The following YLPM1 variants were observed in gnomAD, a reference collection of about 807,000 sequenced individuals.
The protein encoded by YLPM1 is YLP motif-containing protein 1.
Under a neutral mutation model 230.0 loss-of-function variants are expected in YLPM1, and 99 were observed. The ratio of observed to expected loss-of-function variants is 0.43; its 90% CI spans 0.37 to 0.51. The LOEUF is 0.51. Ranked by LOEUF, YLPM1 falls within the 20% of genes least tolerant of loss-of-function variation. The pLI, the probability that YLPM1 is intolerant of heterozygous loss-of-function variation, is 0.00. For missense variants in YLPM1, 2,592 were observed against 2,707.7 expected (o/e 0.96, Z 0.95); for synonymous variants, 984 against 942.5 (o/e 1.04, Z -0.81).
intron 17 of YLPM1, chr14:74,821,411 T>C: frequency 3.6e-6 from 1 of 275,578 alleles, no homozygotes. Context: ...GGAGTATACC[T>C]TTTAAGAAAA....
intron 19 of YLPM1, chr14:74,834,998 T>C (rs1349229079): frequency 1.2e-5 from 4 of 337,992 alleles, no homozygotes; most frequent in Non-Finnish European, 2.1e-5. Context: ...AATTATTAAA[T>C]AAAAAGGAAT....
chr14:74,816,852 A>G (rs1237032012), intron 13 of YLPM1, 79 bp from the exon 14 acceptor site: 1 of 1,463,848 alleles, frequency 6.8e-7, no homozygotes, highest in South Asian at 1.5e-5. Context: ...AGTCATCTCT[A>G]TCCAAATACT....
chr14:74,786,129 AG>A (rs1406397375), intron 4 of YLPM1, among the ~76,000 whole-genome samples: 16 of 152,050 alleles, frequency 1.1e-4, no homozygotes, highest in Non-Finnish European at 8.8e-5. Flanking sequence ...TGGGAGGCTG[AG>A]GGGGGAGCGG....
intron 1 of YLPM1, among the ~76,000 whole-genome samples, chr14:74,774,801 C>T (rs914335835): frequency 2.5e-4 from 37 of 147,892 alleles, no homozygotes; most frequent in African/African-American, 8.1e-4. Context: ...ACCTTGGCCT[C>T]CCAAAGTGCT....
chr14:74,827,959 AT>A (rs1441757354), intron 18 of YLPM1: 12 of 983,090 alleles, frequency 1.2e-5, no homozygotes, highest in Non-Finnish European at 1.4e-5. Context: ...GATGATTAAA[AT>A]TTTTGTGAGT....
chr14:74,781,034 CA>C (rs1432649769), intron 3 of YLPM1, among the ~76,000 whole-genome samples: 19 of 152,122 alleles, frequency 1.2e-4, no homozygotes, highest in African/African-American at 4.6e-4. Flanking sequence ...AATAACAGAT[CA>C]TTTTTCAAGT....
chr14:74,824,428 C>A, intron 18 of YLPM1, 121 bp downstream of exon 18: 2 of 869,562 alleles, frequency 2.3e-6, no homozygotes, highest in Non-Finnish European at 1.8e-6. Flanking sequence ...TTCTGGCCTA[C>A]CTTATATCCT....
intron 4 of YLPM1, among the ~76,000 whole-genome samples, chr14:74,793,599 G>A (rs2091229228): frequency 6.6e-6 from 1 of 151,980 alleles, no homozygotes; most frequent in Non-Finnish European, 1.5e-5. Flanking sequence ...TTTATCTTTA[G>A]TTTTTCTTTC....
Position 74,782,129 on chromosome 14 carries a change from GA to G in YLPM1, c.2088del (p.Glu696AspfsTer3). On this transcript the variant is annotated frameshift_variant, in exon 4 of 21. Transcript: ENST00000325680. LOFTEE classifies it high-confidence loss of function. ...TCCGTTGCAATCAGCTGGTCCATCA[GA>G]ACAAGTGAATTCAAAAGCTCCTTTG... is the stretch of plus-strand genomic sequence containing the variant. Reference protein sequence around the residue: ...HPPLQSAGPSEQVNSKAPLSK... With the variant: ...HPPLQSAGPSXQVNSKAPLSK... 6.2e-7 allele frequency: 1 copy of G among 1,613,676 alleles called. No individual in the cohort carries two copies. The highest frequency in any genetic ancestry group is 8.5e-7 in the Non-Finnish European group (1 of 1,179,822).
intron 19 of YLPM1, among the ~76,000 whole-genome samples, chr14:74,832,427 A>G (rs151131035): frequency 5.3e-4 from 81 of 152,170 alleles, no homozygotes; most frequent in African/African-American, 1.8e-3. Context: ...ACAAAATACA[A>G]TAGTTTCCAA....
intron 4 of YLPM1, among the ~76,000 whole-genome samples, chr14:74,787,259 G>A (rs534033722): frequency 2.6e-5 from 4 of 152,098 alleles, no homozygotes; most frequent in Admixed American, 2.6e-4. Flanking sequence ...TTCTTAATGA[G>A]CACTTGAATG....
At position 74,816,926 on chromosome 14, in the gene YLPM1, C is replaced by G. The variant is rs2091482861; in HGVS notation, c.5686-5C>G. On this transcript the variant is annotated splice_polypyrimidine_tract_variant and splice_region_variant and intron_variant, in intron 13 of 20. Coordinates refer to ENST00000325680, the MANE Select transcript of YLPM1 (RefSeq NM_019589.3). ...TAATTCCATATCTCTTTTGGGGGACCTTAGGTAATGGAATATGAATATGAA... is the reference window on the plus strand; with the variant it reads ...TAATTCCATATCTCTTTTGGGGGACGTTAGGTAATGGAATATGAATATGAA... 6.4e-7 allele frequency: 1 copy of G among 1,557,644 alleles called. No homozygotes were observed.
chr14:74,764,560 G>C (rs1196477553), intron 1 of YLPM1, among the ~76,000 whole-genome samples, 198 bp downstream of exon 1: 1 of 152,238 alleles, frequency 6.6e-6, no homozygotes, highest in African/African-American at 2.4e-5. Flanking sequence ...AACAGCGTTT[G>C]TAGATGTGTA....
intron 1 of YLPM1, among the ~76,000 whole-genome samples, chr14:74,767,366 T>C (rs1214648354): frequency 6.6e-6 from 1 of 152,248 alleles, no homozygotes; most frequent in Non-Finnish European, 1.5e-5. Context: ...TGTTGTTTTC[T>C]GTCCTCACAG....
intron 1 of YLPM1, among the ~76,000 whole-genome samples, chr14:74,766,883 CTTTTTTT>C (rs1158275487): frequency 7.6e-6 from 1 of 131,174 alleles, no homozygotes; most frequent in African/African-American, 2.8e-5. Flanking sequence ...AAGACCTTTT[CTTTTTTT>C]TTTTTTTTTT....
rs375413526 is a variant in YLPM1 at position 74,781,730 on chromosome 14, C to T, written c.1687C>T (p.Pro563Ser). Residue 563 changes from proline to serine, a missense_variant, in exon 4 of 21, where the codon CCT (proline) becomes TCT (serine). Pro to Ser is a moderately conservative substitution (Grantham distance 74, BLOSUM62 -1). Transcript: ENST00000325680. ...ATVPPPGMPP[P>S]VMPPSLPTSV... ...AGTGCCACCACCTGGCATGCCCCCA[C>T]CTGTTATGCCACCTTCTCTACCAAC... The T allele has an allele frequency of 3.0e-5, 49 of 1,613,038 alleles. No homozygotes were observed. The highest frequency in any genetic ancestry group is 3.6e-5 in the Non-Finnish European group (43 of 1,179,686).
At chr14:74,820,233 C>T (rs1280785056) in intron 16 of YLPM1, among the ~76,000 whole-genome samples, 3 of 152,110 alleles carry the variant, frequency 2.0e-5, no homozygotes, top group African/African-American at 7.2e-5. Context: ...GAAACCGGTG[C>T]TCTGGGAGTT....
chr14:74,778,341 A>G (rs2091061750), intron 1 of YLPM1, 106 bp from the exon 2 acceptor site: 1 of 960,556 alleles, frequency 1.0e-6, no homozygotes, highest in Non-Finnish European at 1.5e-6. Flanking sequence ...GCCTTTTTTT[A>G]CATATAGACA....
chr14:74,768,670 A>G (rs1318730194), intron 1 of YLPM1, among the ~76,000 whole-genome samples: 1 of 152,206 alleles, frequency 6.6e-6, no homozygotes, highest in Non-Finnish European at 1.5e-5. Flanking sequence ...ATACTTACGG[A>G]CTAGCAACTA....
Sources: allele counts gnomAD v4.1 joint callset (sites outside exome capture counted in the v4.1 genomes callset), GRCh38; gene constraint gnomAD v4.1.1; transcripts MANE v1.5; gene names NCBI Gene and HGNC (gene_info 2026-07-23, HGNC 2026-07-21).